VRK2: variants seen among roughly 807,000 people sequenced by gnomAD.
The protein encoded by VRK2 is serine/threonine-protein kinase VRK2.
VRK2 carries 60 observed loss-of-function variants against 57.6 expected under a neutral mutation model. The ratio of observed to expected loss-of-function variants is 1.04; its 90% CI spans 0.85 to 1.29. VRK2 has a LOEUF of 1.29. Ranked by LOEUF, VRK2 falls within the 50% of genes most tolerant of loss-of-function variation. The pLI is 0.00. For synonymous variants in VRK2, 231 were observed against 199.2 expected, an observed-to-expected ratio of 1.16 and a Z score of -1.35; for missense variants, 705 against 588.1, an observed-to-expected ratio of 1.20 and a Z score of -2.06.
chr2:58,152,267 A>C (rs374544903), intron 12 of VRK2, among the ~76,000 whole-genome samples: 2 of 151,934 alleles, frequency 1.3e-5, no homozygotes, highest in African/African-American at 2.4e-5. Context: ...TCAAGTGGTC[A>C]AGTCATATTA....
chr2:58,052,501 G>A (rs987765104), intron 2 of VRK2, among the ~76,000 whole-genome samples: 4 of 151,814 alleles, frequency 2.6e-5, no homozygotes, highest in Non-Finnish European at 5.9e-5. Context: ...TACTCAGGAG[G>A]CTGTGGCATG....
At chr2:57,958,102 T>C (rs979516169) in intron 1 of VRK2, among the ~76,000 whole-genome samples, 4 of 152,268 alleles carry the variant, frequency 2.6e-5, no homozygotes, top group Admixed American at 2.0e-4. Flanking sequence ...TCCTGCCCTC[T>C]ACCCCCATGT....
chr2:57,968,909 G>T (rs1180612534), intron 1 of VRK2, among the ~76,000 whole-genome samples: 3 of 151,994 alleles, frequency 2.0e-5, no homozygotes, highest in Admixed American at 1.3e-4. Flanking sequence ...ACTTCCTGAA[G>T]ACAAGCCACA....
intron 7 of VRK2, among the ~76,000 whole-genome samples, chr2:58,121,797 G>A (rs1443156363): frequency 6.6e-6 from 1 of 152,138 alleles, no homozygotes; most frequent in Non-Finnish European, 1.5e-5. Flanking sequence ...AAATGTGTAT[G>A]AAATGATACA....
intron 8 of VRK2, among the ~76,000 whole-genome samples, chr2:58,125,224 T>A (rs1283531697): frequency 6.6e-6 from 1 of 152,112 alleles, no homozygotes; most frequent in Non-Finnish European, 1.5e-5. Flanking sequence ...AAGAAATCAC[T>A]GTGATTGTGG....
At chr2:58,127,444 C>T (rs1678537480) in intron 8 of VRK2, among the ~76,000 whole-genome samples, 1 of 151,982 alleles carries the variant, frequency 6.6e-6, no homozygotes, top group Non-Finnish European at 1.5e-5. Flanking sequence ...TTAAAAGGTA[C>T]TGAAAAAATA....
chr2:58,075,889 T>A (rs1442174790), intron 2 of VRK2, among the ~76,000 whole-genome samples: 4 of 130,822 alleles, frequency 3.1e-5, no homozygotes, highest in Admixed American at 7.1e-5. Context: ...AAGATGTGAT[T>A]CTCTGTATTC....
intron 1 of VRK2, among the ~76,000 whole-genome samples, chr2:57,948,946 G>A (rs1671341603): frequency 6.6e-6 from 1 of 152,040 alleles, no homozygotes; most frequent in Non-Finnish European, 1.5e-5. Context: ...GAACACTAAG[G>A]TAAAGCTAGA....
In VRK2 at chr2:57,968,420, A is replaced by T. The variant is rs145055657; in HGVS notation, c.-438-57245A>T. 2.2e-3 allele frequency among the ~76,000 whole-genome samples: 339 copies of T among 152,248 alleles called. 2 individuals are homozygous for T. The highest frequency in any genetic ancestry group is 0.01 in the Middle Eastern group (3 of 294). ...TGACTTAGGAAAAAAATAGATACTT[A>T]TCAAAACATATTCTAATGAAATGCT... On this transcript the variant is annotated intron_variant, in intron 1 of 15. Transcript: ENST00000417641.
chr2:58,093,987 T>G (rs1397677892), intron 7 of VRK2, among the ~76,000 whole-genome samples: 1 of 152,210 alleles, frequency 6.6e-6, no homozygotes, highest in Non-Finnish European at 1.5e-5. Flanking sequence ...ATGTGTGATA[T>G]TATTTCTGAG....
intron 8 of VRK2, among the ~76,000 whole-genome samples, chr2:58,129,703 T>C (rs370542272): frequency 1.4e-4 from 21 of 152,316 alleles, no homozygotes; most frequent in African/African-American, 2.6e-4. Flanking sequence ...TGGCAAAGTC[T>C]AAGATTTTAA....
chr2:58,038,874 T>C (rs141838578), intron 3 of VRK2, among the ~76,000 whole-genome samples: 2 of 152,218 alleles, frequency 1.3e-5, no homozygotes, highest in African/African-American at 4.8e-5. Flanking sequence ...CTACTACAGG[T>C]GCTGATGAAA....
At chr2:58,135,228 C>T (rs1377860774) in intron 10 of VRK2, 29 bp downstream of exon 10, 3 of 1,613,200 alleles carry the variant, frequency 1.9e-6, no homozygotes, top group Non-Finnish European at 2.5e-6. Flanking sequence ...TCAACCTTCT[C>T]TTACGATTTA....
At chr2:58,029,496 G>A (rs367969859) in intron 2 of VRK2, among the ~76,000 whole-genome samples, 2 of 152,226 alleles carry the variant, frequency 1.3e-5, no homozygotes, top group South Asian at 4.1e-4. Context: ...AACATTTAAA[G>A]AAAAAGTTAA....
chr2:58,050,324 T>C (rs1675522277), intron 2 of VRK2, among the ~76,000 whole-genome samples: 1 of 152,228 alleles, frequency 6.6e-6, no homozygotes, highest in South Asian at 2.1e-4. Flanking sequence ...CCCATGTGGC[T>C]CATATGCTCA....
intron 2 of VRK2, among the ~76,000 whole-genome samples, chr2:58,073,823 C>T (rs1669691606): frequency 6.6e-6 from 1 of 151,932 alleles, no homozygotes; most frequent in African/African-American, 2.4e-5. Flanking sequence ...GGGCAGGAAG[C>T]ATCCAGCATG....
intron 1 of VRK2, among the ~76,000 whole-genome samples, chr2:58,024,541 A>G (rs1011254512): frequency 6.6e-6 from 1 of 152,120 alleles, no homozygotes; most frequent in Non-Finnish European, 1.5e-5. Flanking sequence ...CTTTAACAAT[A>G]CTGTTTATTT....
At chr2:58,109,382 A>G (rs1201959039) in intron 7 of VRK2, among the ~76,000 whole-genome samples, 2 of 152,152 alleles carry the variant, frequency 1.3e-5, no homozygotes, top group Admixed American at 1.3e-4. Context: ...AAAACCCAGT[A>G]AATTGCCTTG....
chr2:58,101,412 T>C (rs761495011), intron 7 of VRK2, among the ~76,000 whole-genome samples: 1 of 151,744 alleles, frequency 6.6e-6, no homozygotes, highest in African/African-American at 2.4e-5. Context: ...CTCCAAAAAC[T>C]AAGGACAATT....
Sources: allele counts gnomAD v4.1 joint callset (sites outside exome capture counted in the v4.1 genomes callset), GRCh38; gene constraint gnomAD v4.1.1; transcripts MANE v1.5; gene names NCBI Gene and HGNC (gene_info 2026-07-23, HGNC 2026-07-21).